Variants in AQP9 observed in about 807,000 individuals in gnomAD.
AQP9 encodes the protein aquaporin 9, also known as aquaporin-9.
AQP9 carries 19 observed loss-of-function variants against 23.8 expected under a neutral mutation model. That is an observed-to-expected ratio of 0.80 (90% CI 0.56 to 1.17). The LOEUF is 1.17. AQP9 is among the 50% of genes most tolerant of loss of function. The pLI is 0.00. For missense variants in AQP9, 413 were observed against 362.0 expected (o/e 1.14, Z -1.14); for synonymous variants, 153 against 131.5 (o/e 1.16, Z -1.12).
rs1424676714 is a variant in AQP9, at chr15:58,184,342, G to T, written c.*207G>T. Reference sequence around the variant, plus strand: ...CATTGTCCCCCACCCCCACCCCCCAGAATAACGCTGACTGTCCCCTGAAAC... The same window carrying T: ...CATTGTCCCCCACCCCCACCCCCCATAATAACGCTGACTGTCCCCTGAAAC... On this transcript the variant is annotated 3_prime_UTR_variant, in exon 6 of 6. Coordinates refer to ENST00000219919, the MANE Select transcript of AQP9 (RefSeq NM_020980.5). 4.4e-6 allele frequency: 2 copies of T among 455,254 alleles called. No homozygotes were observed. The highest frequency in any genetic ancestry group is 6.0e-5 in the African/African-American group (2 of 33,162). 28.2% of individuals were successfully genotyped at this position (455,254 alleles called of 1,614,324 possible). A position where few individuals can be genotyped will look rare whatever the true frequency, so the allele number is the denominator to read the frequency against.
intron 1 of AQP9, among the ~76,000 whole-genome samples, chr15:58,148,262 T>C (rs1045206761): frequency 1.3e-5 from 2 of 152,214 alleles, no homozygotes; most frequent in Non-Finnish European, 2.9e-5. Flanking sequence ...TGGGAAACAC[T>C]GGGTTAAACC....
intron 1 of AQP9, among the ~76,000 whole-genome samples, chr15:58,147,919 C>T (rs1207927968): frequency 1.3e-5 from 2 of 151,476 alleles, no homozygotes; most frequent in Non-Finnish European, 2.9e-5. Flanking sequence ...TATACATGCA[C>T]ACACACAGAG....
intron 4 of AQP9, among the ~76,000 whole-genome samples, chr15:58,177,569 A>T (rs1414303327): frequency 6.6e-6 from 1 of 152,188 alleles, no homozygotes; most frequent in Non-Finnish European, 1.5e-5. Flanking sequence ...TTAAACTTTA[A>T]AATCAGTTGC....
In AQP9 at chr15:58,184,175, C is replaced by A. The variant is rs1208061790; in HGVS notation, c.*40C>A. On this transcript the variant is annotated 3_prime_UTR_variant, in exon 6 of 6. Coordinates refer to ENST00000219919, the MANE Select transcript of AQP9 (RefSeq NM_020980.5). ...CTGGATTTGCAGTCAGTTTGGGATT[C>A]TCTTCAGAAAGATGGCATCTAAGTG... 1.9e-6 allele frequency: 3 copies of A among 1,593,716 alleles called. No homozygotes were observed. The East Asian group carries it at 6.7e-5, about 36-fold the overall frequency.
At chr15:58,147,572 C>G (rs1293722978) in intron 1 of AQP9, among the ~76,000 whole-genome samples, 2 of 152,120 alleles carry the variant, frequency 1.3e-5, no homozygotes, top group Non-Finnish European at 2.9e-5. Context: ...ATCTCAGTAG[C>G]TTGGCTGGTC....
chr15:58,156,300 C>A (rs763947036), intron 1 of AQP9, among the ~76,000 whole-genome samples: 3 of 152,072 alleles, frequency 2.0e-5, no homozygotes, highest in Non-Finnish European at 4.4e-5. Flanking sequence ...ACTGTTAATC[C>A]CATGAATAAT....
intron 4 of AQP9, 32 bp from the exon 5 acceptor site, chr15:58,179,096 C>A: frequency 6.6e-7 from 1 of 1,513,278 alleles, no homozygotes; most frequent in Non-Finnish European, 9.2e-7. Flanking sequence ...AGAATGCAGG[C>A]TAAAGCCCTG....
intron 5 of AQP9, 42 bp downstream of exon 5, chr15:58,179,387 G>A: frequency 6.4e-7 from 1 of 1,552,856 alleles, no homozygotes. Flanking sequence ...GAGTCATGCT[G>A]CGCCTCACCA....
At chr15:58,169,939 G>A (rs144703149) in intron 2 of AQP9, among the ~76,000 whole-genome samples, 82 of 152,278 alleles carry the variant, frequency 5.4e-4, no homozygotes, top group African/African-American at 1.9e-3. Flanking sequence ...TGGGTGGCGA[G>A]GAGGAGAGGA....
chr15:58,172,439 G>A (rs1190452121), intron 2 of AQP9, among the ~76,000 whole-genome samples: 4 of 152,208 alleles, frequency 2.6e-5, no homozygotes, highest in Admixed American at 6.5e-5. Context: ...TCTCTAGCTG[G>A]AGCTTGGGCT....
chr15:58,142,488 G>A (rs1174970840), intron 1 of AQP9, among the ~76,000 whole-genome samples: 1 of 152,210 alleles, frequency 6.6e-6, no homozygotes, highest in Admixed American at 6.5e-5. Flanking sequence ...TTTTACAGGA[G>A]ATCTGCTAGC....
chr15:58,173,350 C>G (rs1041162496), intron 3 of AQP9, 145 bp downstream of exon 3: 4 of 1,169,414 alleles, frequency 3.4e-6, no homozygotes, highest in Non-Finnish European at 4.8e-6. Flanking sequence ...GAAAATGAGG[C>G]CATATTACCA....
At position 58,149,810 on chromosome 15, in the gene AQP9, C is replaced by T. The variant is rs78070892; in HGVS notation, c.111+11134C>T. 3.8e-3 allele frequency among the ~76,000 whole-genome samples: 585 copies of T among 152,282 alleles called. 6 individuals carry two copies. Among genetic ancestry groups the T allele is most frequent in the African/African-American group, 0.013 (559 of 41,556 alleles). On this transcript the variant is annotated intron_variant, in intron 1 of 5. Transcript: ENST00000219919. ...CTCTCCAGTTACAAACTTATAGGAG[C>T]AGGGAAGCCTCTGGTAAGCCCTAAA...
chr15:58,142,823 C>A (rs528691948), intron 1 of AQP9, among the ~76,000 whole-genome samples: 18 of 152,254 alleles, frequency 1.2e-4, no homozygotes, highest in Admixed American at 9.8e-4. Flanking sequence ...ATCCATCTCT[C>A]CAAGTCTAGG....
chr15:58,170,918 C>T (rs1283935238), intron 2 of AQP9, among the ~76,000 whole-genome samples: 1 of 151,924 alleles, frequency 6.6e-6, no homozygotes, highest in Non-Finnish European at 1.5e-5. Context: ...TGATCACTTA[C>T]GGCCCCCTTG....
chr15:58,146,358 A>G (rs1178450343), intron 1 of AQP9, among the ~76,000 whole-genome samples: 1 of 152,018 alleles, frequency 6.6e-6, no homozygotes, highest in Admixed American at 6.5e-5. Context: ...TCAGTTCACC[A>G]ATTCCCTATT....
chr15:58,171,406 AC>A (rs1263794154), intron 2 of AQP9, among the ~76,000 whole-genome samples: 1 of 151,792 alleles, frequency 6.6e-6, no homozygotes, highest in African/African-American at 2.4e-5. Context: ...TTTTCCTTTC[AC>A]AATGGCTACC....
chr15:58,140,099 T>C (rs551856546), intron 1 of AQP9, among the ~76,000 whole-genome samples: 1 of 152,232 alleles, frequency 6.6e-6, no homozygotes, highest in South Asian at 2.1e-4. Context: ...ACAGAGTGAT[T>C]ACAGCCTCAC....
upstream of AQP9, chr15:58,138,278 A>G: frequency 4.3e-6 from 1 of 231,330 alleles, no homozygotes; most frequent in South Asian, 1.2e-4. Flanking sequence ...CCTTGAGAAT[A>G]AAGGTAATGA....
Sources: gnomAD v4.1 joint callset for allele counts (sites outside exome capture counted in the v4.1 genomes callset) on GRCh38, gnomAD v4.1.1 for gene constraint, MANE v1.5 for transcripts, NCBI Gene and HGNC (gene_info 2026-07-23, HGNC 2026-07-21) for gene names.